The following PIK3R5 variants were observed in gnomAD, a reference collection of about 807,000 sequenced individuals.
PIK3R5 encodes phosphoinositide-3-kinase regulatory subunit 5.
A neutral mutation model predicts 94.9 loss-of-function variants in PIK3R5; 32 were observed. The ratio of observed to expected loss-of-function variants is 0.34; its 90% confidence interval spans 0.25 to 0.45. The LOEUF (loss-of-function observed/expected upper bound fraction) is 0.45. PIK3R5 is among the 20% of genes least tolerant of loss of function. PIK3R5 has a pLI of 1.00. For synonymous variants in PIK3R5, 443 were observed against 479.4 expected, an observed-to-expected ratio of 0.92 and a Z score of 0.99; for missense variants, 853 against 1,144.6, an observed-to-expected ratio of 0.75 and a Z score of 3.68.
Position 8,893,698 on chromosome 17 carries a change from T to C in PIK3R5, c.413-43A>G. Reference sequence around the variant, plus strand: ...AAGAGTTCATGGGCTGATCAGTTCCTTCAGCATCGTCCGTGTGCCTCGTGG... The same window carrying C: ...AAGAGTTCATGGGCTGATCAGTTCCCTCAGCATCGTCCGTGTGCCTCGTGG... On this transcript the variant is annotated intron_variant, in intron 5 of 18. Coordinates refer to ENST00000447110, the MANE Select transcript of PIK3R5 (RefSeq NM_001142633.3). The surrounding 1 kb of genome is among the most constrained non-coding windows in gnomAD (Gnocchi z 5.1). The C allele has an allele frequency of 6.9e-7, 1 of 1,452,320 alleles. No homozygotes were observed. Among genetic ancestry groups the C allele is most frequent in the Middle Eastern group, 1.7e-4 (1 of 5,754 alleles). The allele number at this position is 1,452,320 out of a possible 1,614,324, so 90.0% of individuals were successfully genotyped here.
chr17:8,934,436 T>C (rs74676868), intron 1 of PIK3R5, among the ~76,000 whole-genome samples: 1,781 of 152,280 alleles, frequency 0.012, 19 homozygotes, highest in Non-Finnish European at 0.02. Flanking sequence ...TGGAGAGATA[T>C]GCCACATTTA....
chr17:8,944,319 A>G (rs1597426466), intron 1 of PIK3R5, among the ~76,000 whole-genome samples: 1 of 152,262 alleles, frequency 6.6e-6, no homozygotes, highest in East Asian at 1.9e-4. Flanking sequence ...TCCTTTATCC[A>G]GTCTACTGTT....
intron 1 of PIK3R5, among the ~76,000 whole-genome samples, chr17:8,933,681 T>C (rs2091024208): frequency 6.6e-6 from 1 of 152,130 alleles, no homozygotes; most frequent in South Asian, 2.1e-4. Context: ...AAATGAAGTC[T>C]AGAAATATAT....
chr17:8,908,864 C>T lies in PIK3R5; in HGVS notation c.204+210G>A, dbSNP rs560478581. Among the ~76,000 whole-genome samples, 24 of 152,298 alleles carry T rather than the reference C, an allele frequency of 1.6e-4. No individual in the cohort carries two copies. In the South Asian group the frequency reaches 1.7e-3, roughly 11 times the overall value. On this transcript the variant is annotated intron_variant, in intron 3 of 18. Coordinates refer to ENST00000447110, the MANE Select transcript of PIK3R5 (RefSeq NM_001142633.3). ...TGTAGCTGAACTCAGGACCCTAGCT[C>T]GCGTATGATGTGTTCTTACTGAATG...
rs182576547 is a variant in PIK3R5, at chr17:8,909,263, G to A, written c.104-89C>T. 112 of 755,256 alleles carry A rather than the reference G, an allele frequency of 1.5e-4. No homozygotes were observed. The Admixed American group carries it at 2.4e-3, about 17-fold the overall frequency. The allele number at this position is 755,256 out of a possible 1,614,324, so 46.8% of individuals were successfully genotyped here. A position where few individuals can be genotyped will look rare whatever the true frequency, so the allele number is the denominator to read the frequency against. On this transcript the variant is annotated intron_variant, in intron 2 of 18. Transcript: ENST00000447110. The surrounding 1 kb of genome is among the most constrained non-coding windows in gnomAD (Gnocchi z 4.3). ...CTGTAAAGAAGGGGCATTTATGCTG[G>A]AACATTTTTCTGTGGTATTGCACTG... is the stretch of plus-strand genomic sequence containing the variant.
chr17:8,931,338 G>C (rs1403650292), intron 1 of PIK3R5, among the ~76,000 whole-genome samples: 1 of 152,124 alleles, frequency 6.6e-6, no homozygotes, highest in Non-Finnish European at 1.5e-5. Flanking sequence ...CAGATGAGAA[G>C]GGATAATTGG....
chr17:8,919,888 CTTTTT>C (rs11290606), intron 1 of PIK3R5, among the ~76,000 whole-genome samples: 2 of 107,618 alleles, frequency 1.9e-5, no homozygotes, highest in Admixed American at 1.1e-4. Flanking sequence ...CTTTTTCCTT[CTTTTT>C]TTTTTTTTTT....
chr17:8,931,145 A>G (rs775172869), intron 1 of PIK3R5, among the ~76,000 whole-genome samples: 19 of 152,264 alleles, frequency 1.2e-4, no homozygotes, highest in Non-Finnish European at 2.2e-4. Context: ...CCTTGTACAG[A>G]TAAGTTTAAA....
Position 8,888,426 on chromosome 17 carries a change from C to T in PIK3R5, c.1361G>A (p.Arg454Lys). Residue 454 changes from arginine to lysine, a missense_variant, in exon 10 of 19, where the codon AGG (arginine) becomes AAG (lysine). By Grantham distance (26) the Arg-to-Lys change is conservative. This residue lies in a region of PIK3R5 where 319 missense variants were observed against 339.8 expected (regional missense o/e 0.94). Transcript: ENST00000447110. The surrounding 1 kb of genome is among the most constrained non-coding windows in gnomAD (Gnocchi z 7.8). Reference sequence around the variant, plus strand: ...GGGGCTGCAGAGGCTCCCTGCCCGCCTCAGGGGCAGGGCCGTGTCCGAGCT... The same window carrying T: ...GGGGCTGCAGAGGCTCCCTGCCCGCTTCAGGGGCAGGGCCGTGTCCGAGCT... ...EGSSDTALPL[R>K]RAGSLCSPLD... is the part of the protein sequence containing the mutation. The T allele has an allele frequency of 1.3e-6, 2 of 1,598,098 alleles. No individual in the cohort carries two copies. The highest frequency in any genetic ancestry group is 1.7e-6 in the Non-Finnish European group (2 of 1,173,828).
Position 8,909,128 on chromosome 17 carries a change from C to T in PIK3R5, c.150G>A (p.Arg50=), listed in dbSNP as rs377499795. The T allele has an allele frequency of 6.2e-7, 1 of 1,609,132 alleles. No homozygotes were observed. The highest frequency in any genetic ancestry group is 1.3e-5 in the African/African-American group (1 of 74,826). ...GGAGGATAAGGAAGTGGCCCGGGTC[C>T]CTGCTGACCAGCTCCTGCAGGCTCC... ...NCWSLQELVS[R]DPGHFLILLE... is the part of the protein sequence containing the mutation. Residue 50 remains arginine, a synonymous_variant, in exon 3 of 19, where the codon AGG becomes AGA. Transcript: ENST00000447110. The surrounding 1 kb of genome is among the most constrained non-coding windows in gnomAD (Gnocchi z 4.3).
At chr17:8,913,704 T>C (rs1042381554) in intron 1 of PIK3R5, among the ~76,000 whole-genome samples, 3 of 152,144 alleles carry the variant, frequency 2.0e-5, no homozygotes, top group Non-Finnish European at 4.4e-5. Context: ...AGAGCGAGAT[T>C]CCATCTCAAA....
rs200430963 is a variant in PIK3R5 at position 8,888,185 on chromosome 17, C to T, written c.1602G>A (p.Ala534=). 53 of 1,613,288 alleles carry T rather than the reference C, an allele frequency of 3.3e-5. No individual in the cohort carries two copies. Among genetic ancestry groups the T allele is most frequent in the African/African-American group, 8.0e-5 (6 of 75,004 alleles). The change falls in exon 10 of 19, where the codon GCG becomes GCA. Residue 534 remains alanine, a synonymous_variant. Coordinates refer to ENST00000447110, the MANE Select transcript of PIK3R5 (RefSeq NM_001142633.3). The surrounding 1 kb of genome is among the most constrained non-coding windows in gnomAD (Gnocchi z 7.8). ...ACGGCTCTTACCGAAGGTTGCTGTA[C>T]GCCCGAGCCACCTTCCCTGAAATCC... ...SDRISGKVAR[A]YSNLRRLENN...
intron 14 of PIK3R5, among the ~76,000 whole-genome samples, chr17:8,885,487 C>T (rs1446220297): frequency 1.5e-5 from 2 of 136,110 alleles, no homozygotes; most frequent in Non-Finnish European, 3.1e-5. Flanking sequence ...GGTAACCCCG[C>T]CTCCCCAGGG....
chr17:8,898,457 C>T (rs1474471377), intron 5 of PIK3R5, among the ~76,000 whole-genome samples: 1 of 152,224 alleles, frequency 6.6e-6, no homozygotes, highest in Non-Finnish European at 1.5e-5. Flanking sequence ...AGAAACACAG[C>T]TTTATGCAAA....
At chr17:8,907,910 T>G (rs2151406475) in intron 3 of PIK3R5, among the ~76,000 whole-genome samples, 1 of 152,376 alleles carries the variant, frequency 6.6e-6, no homozygotes, top group Non-Finnish European at 1.5e-5. Flanking sequence ...AGTGCTTAGA[T>G]TACAGGCACA....
chr17:8,910,077 C>A (rs2151412664), intron 2 of PIK3R5, among the ~76,000 whole-genome samples: 1 of 152,334 alleles, frequency 6.6e-6, no homozygotes, highest in African/African-American at 2.4e-5. Flanking sequence ...TGTTTCCCTG[C>A]AGTCAGCAAG....
intron 3 of PIK3R5, among the ~76,000 whole-genome samples, chr17:8,907,035 T>C (rs563647078): frequency 1.3e-5 from 2 of 152,332 alleles, no homozygotes; most frequent in South Asian, 2.1e-4. Context: ...AGTTTCTTTT[T>C]CTTTTTTGAG....
At chr17:8,941,360 G>A (rs1025367818) in intron 1 of PIK3R5, among the ~76,000 whole-genome samples, 1 of 152,060 alleles carries the variant, frequency 6.6e-6, no homozygotes, top group Non-Finnish European at 1.5e-5. Flanking sequence ...GGCAGCAGAA[G>A]ACAAGAAGGA....
intron 1 of PIK3R5, among the ~76,000 whole-genome samples, chr17:8,943,980 C>T (rs538597821): frequency 2.3e-4 from 35 of 151,402 alleles, no homozygotes; most frequent in African/African-American, 7.5e-4. Context: ...CAGATTACTT[C>T]GTCACCCAGG....
Sources: allele counts gnomAD v4.1 joint callset (sites outside exome capture counted in the v4.1 genomes callset), GRCh38; gene constraint gnomAD v4.1.1; regional missense constraint gnomAD v4.1.1; non-coding constraint Gnocchi (gnomAD v3.1); transcripts MANE v1.5; gene names NCBI Gene and HGNC (gene_info 2026-07-23, HGNC 2026-07-21).